Variants in SLC25A42 observed in about 807,000 individuals in gnomAD.
SLC25A42 encodes the protein mitochondrial coenzyme A transporter SLC25A42.
Under a neutral mutation model 34.7 loss-of-function variants are expected in SLC25A42, and 19 were observed. That is an observed-to-expected ratio of 0.55 (90% CI 0.38 to 0.80). SLC25A42 has a LOEUF of 0.80. Ranked by LOEUF, SLC25A42 falls within the 30% of genes least tolerant of loss-of-function variation. The probability of loss-of-function intolerance (pLI) is 0.00; values close to 1 mark genes in which losing one functional copy is unlikely to be tolerated. For synonymous variants in SLC25A42, 205 were observed against 191.2 expected (o/e 1.07, Z -0.59); for missense variants, 364 against 441.3 (o/e 0.82, Z 1.57).
intron 1 of SLC25A42, among the ~76,000 whole-genome samples, chr19:19,078,981 G>GT (rs1317562247): frequency 1.3e-5 from 2 of 151,686 alleles, no homozygotes; most frequent in Non-Finnish European, 2.9e-5. Context: ...TCACAGTGTT[G>GT]TGCAACCACT....
At chr19:19,108,668 C>G (rs2146315938) in intron 7 of SLC25A42, among the ~76,000 whole-genome samples, 1 of 152,268 alleles carries the variant, frequency 6.6e-6, no homozygotes, top group South Asian at 2.1e-4. Context: ...AAAGGAAGTA[C>G]TCTTGCTTGT....
At chr19:19,100,692 C>T (rs1438262609) in intron 2 of SLC25A42, among the ~76,000 whole-genome samples, 3 of 152,204 alleles carry the variant, frequency 2.0e-5, no homozygotes, top group Admixed American at 6.5e-5. Context: ...TATTTGCTTT[C>T]ATCTGATGCT....
intron 2 of SLC25A42, among the ~76,000 whole-genome samples, chr19:19,096,814 G>C (rs1360804448): frequency 6.6e-6 from 1 of 152,108 alleles, no homozygotes; most frequent in African/African-American, 2.4e-5. Flanking sequence ...GTGCACACCT[G>C]TAATCCCAGC....
intron 1 of SLC25A42, among the ~76,000 whole-genome samples, chr19:19,089,770 A>G (rs1332517433): frequency 6.6e-6 from 1 of 150,830 alleles, no homozygotes; most frequent in East Asian, 2.0e-4. Context: ...TTATGAGGCC[A>G]AGGCAGGAGA....
rs958914163 is a variant in SLC25A42 at position 19,073,660 on chromosome 19, C to T, written c.-35+9545C>T. Among the ~76,000 whole-genome samples, 8 of 151,930 alleles carry T rather than the reference C, an allele frequency of 5.3e-5. No homozygotes were observed. In the South Asian group the frequency reaches 8.3e-4, roughly 16 times the overall value. On this transcript the variant is annotated intron_variant, in intron 1 of 7. Coordinates refer to ENST00000318596, the MANE Select transcript of SLC25A42 (RefSeq NM_178526.5). ...CATGATCTTGGCTCACTGCAACCTC[C>T]GTCTCCTAGGTTCAAGCAATTCTCC...
At position 19,110,818 on chromosome 19, in the gene SLC25A42, G is replaced by A; in HGVS notation, c.899G>A (p.Gly300Asp). Residue 300 changes from glycine to aspartate, a missense_variant, in exon 8 of 8, where the codon GGC (glycine) becomes GAC (aspartate). Gly to Asp is a moderately conservative substitution (Grantham distance 94). Coordinates refer to ENST00000318596, the MANE Select transcript of SLC25A42 (RefSeq NM_178526.5). The part of the protein sequence containing the change: ...MNWVKGPIAV[G>D]ISFTTFDLMQ... ...TGGGTCAAGGGTCCCATCGCCGTGGGCATCAGCTTCACCACCTTCGACCTC... is the reference window on the plus strand; with the variant it reads ...TGGGTCAAGGGTCCCATCGCCGTGGACATCAGCTTCACCACCTTCGACCTC... 6.2e-7 allele frequency: 1 copy of A among 1,613,950 alleles called. No individual in the cohort carries two copies. The highest frequency in any genetic ancestry group is 8.5e-7 in the Non-Finnish European group (1 of 1,180,018).
At chr19:19,102,489 A>C (rs1348375413) in intron 3 of SLC25A42, among the ~76,000 whole-genome samples, 8 of 151,764 alleles carry the variant, frequency 5.3e-5, no homozygotes, top group Non-Finnish European at 7.4e-5. Flanking sequence ...CTTGCCTGTA[A>C]TCCCAGCATT....
chr19:19,079,338 G>A (rs1287321098), intron 1 of SLC25A42, among the ~76,000 whole-genome samples: 1 of 152,100 alleles, frequency 6.6e-6, no homozygotes, highest in African/African-American at 2.4e-5. Flanking sequence ...TTATAGGTGT[G>A]AGCCACCACA....
At chr19:19,108,326 G>A (rs1217391308) in intron 7 of SLC25A42, among the ~76,000 whole-genome samples, 2 of 152,136 alleles carry the variant, frequency 1.3e-5, no homozygotes, top group Non-Finnish European at 2.9e-5. Flanking sequence ...CGAGGTGGGC[G>A]GATCACTTGA....
intron 1 of SLC25A42, among the ~76,000 whole-genome samples, chr19:19,092,053 C>A (rs538848675): frequency 6.6e-6 from 1 of 152,130 alleles, no homozygotes; most frequent in East Asian, 1.9e-4. Context: ...AGAAGCAGGC[C>A]GCTCTTGTGC....
At chr19:19,098,494 G>A (rs189130695) in intron 2 of SLC25A42, among the ~76,000 whole-genome samples, 1 of 149,034 alleles carries the variant, frequency 6.7e-6, no homozygotes, top group African/African-American at 2.5e-5. Flanking sequence ...TACTGAGGAG[G>A]CTGAGGTGGG....
At position 19,081,609 on chromosome 19, in the gene SLC25A42, C is replaced by A. The variant is rs962874830; in HGVS notation, c.-34-14482C>A. On this transcript the variant is annotated intron_variant, in intron 1 of 7. Coordinates refer to ENST00000318596, the MANE Select transcript of SLC25A42 (RefSeq NM_178526.5). The surrounding 1 kb of genome is among the most constrained non-coding windows in gnomAD (Gnocchi z 4.5). ...AGGGTGGGGGTCATGGGAACTGGGG[C>A]TTCCTCCCCGAACCCATCCAAGCCT... Among the ~76,000 whole-genome samples, 16 of 152,094 alleles carry A rather than the reference C, an allele frequency of 1.1e-4. No individual in the cohort carries two copies. Among genetic ancestry groups the A allele is most frequent in the Non-Finnish European group, 2.1e-4 (14 of 68,018 alleles).
At chr19:19,074,738 AGT>A (rs1460241685) in intron 1 of SLC25A42, among the ~76,000 whole-genome samples, 1 of 151,188 alleles carries the variant, frequency 6.6e-6, no homozygotes, top group Non-Finnish European at 1.5e-5. Flanking sequence ...TGTGTGTGTG[AGT>A]GTATGTGTGA....
chr19:19,099,222 C>T (rs2059781964), intron 2 of SLC25A42, among the ~76,000 whole-genome samples: 1 of 152,186 alleles, frequency 6.6e-6, no homozygotes, highest in Non-Finnish European at 1.5e-5. Flanking sequence ...TCCCCAAAGA[C>T]AGCTTCCGAG....
chr19:19,103,267 T>G (rs1397505700), intron 3 of SLC25A42, among the ~76,000 whole-genome samples: 3 of 152,090 alleles, frequency 2.0e-5, no homozygotes, highest in Non-Finnish European at 2.9e-5. Context: ...CTAATTTTTT[T>G]GTATTTTTAG....
intron 1 of SLC25A42, among the ~76,000 whole-genome samples, chr19:19,070,138 T>A (rs79307731): frequency 1.3e-5 from 2 of 150,916 alleles, no homozygotes; most frequent in African/African-American, 4.9e-5. Flanking sequence ...GGACTACAGG[T>A]GCCCGCCACC....
At chr19:19,071,163 A>T (rs10409164) in intron 1 of SLC25A42, among the ~76,000 whole-genome samples, 126,615 of 151,800 alleles carry the variant, frequency 0.83, 52,909 homozygotes, top group East Asian at 0.89. Flanking sequence ...TGCACCACCA[A>T]GCCCGGCTAA....
chr19:19,089,777 G>A (rs547321008), intron 1 of SLC25A42, among the ~76,000 whole-genome samples: 28 of 152,102 alleles, frequency 1.8e-4, no homozygotes, highest in African/African-American at 6.5e-4. Context: ...GCCAAGGCAG[G>A]AGAATCACTT....
At chr19:19,103,481 A>C (rs911334941) in intron 3 of SLC25A42, among the ~76,000 whole-genome samples, 4 of 152,182 alleles carry the variant, frequency 2.6e-5, no homozygotes, top group Non-Finnish European at 5.9e-5. Context: ...TTACATCTGC[A>C]AAGGCCCTGC....
Sources: gnomAD v4.1 joint callset for allele counts (sites outside exome capture counted in the v4.1 genomes callset) on GRCh38, gnomAD v4.1.1 for gene constraint, Gnocchi (gnomAD v3.1) non-coding constraint, MANE v1.5 for transcripts, NCBI Gene and HGNC (gene_info 2026-07-23, HGNC 2026-07-21) for gene names.